Variants in TMEM63B observed in about 807,000 individuals in gnomAD.
The protein encoded by TMEM63B is transmembrane protein 63B.
A neutral mutation model predicts 102.6 loss-of-function variants in TMEM63B; 23 were observed. That is an observed-to-expected ratio of 0.22 (90% CI 0.16 to 0.32). The LOEUF (loss-of-function observed/expected upper bound fraction) is 0.32. TMEM63B is among the 10% of genes least tolerant of loss of function. TMEM63B has a pLI of 1.00. For synonymous variants in TMEM63B, 444 were observed against 437.0 expected (o/e 1.02, Z -0.20); for missense variants, 628 against 1,095.9 (o/e 0.57, Z 6.03).
At chr6:44,129,045 G>T (rs1467194148) in intron 1 of TMEM63B, among the ~76,000 whole-genome samples, 2 of 152,216 alleles carry the variant, frequency 1.3e-5, no homozygotes, top group East Asian at 3.8e-4. Context: ...TTCTTCAGCT[G>T]TGTGACCTTG....
Position 44,155,474 on chromosome 6 carries a change from C to A in TMEM63B, c.*591C>A, listed in dbSNP as rs1430430155. On this transcript the variant is annotated 3_prime_UTR_variant, in exon 24 of 24. Coordinates refer to ENST00000323267, the MANE Select transcript of TMEM63B (RefSeq NM_018426.3). ...CTGTTTTTTTTTTGGTTTTTTTGTT[C>A]TTTTTTGTTTTTTTCCTTTAAAATA... The A allele has an allele frequency of 6.6e-6, 1 of 150,394 alleles. No individual in the cohort carries two copies. The highest frequency in any genetic ancestry group is 2.5e-5 in the African/African-American group (1 of 40,706). 9.3% of individuals were successfully genotyped at this position (150,394 alleles called of 1,614,324 possible).
rs185576783 is a variant in TMEM63B, at chr6:44,134,369, C to G, written c.-24-192C>G. 24 of 579,010 alleles carry G rather than the reference C, an allele frequency of 4.1e-5. No individual in the cohort carries two copies. The Admixed American group carries it at 6.0e-4, about 15-fold the overall frequency. 35.9% of individuals were successfully genotyped at this position (579,010 alleles called of 1,614,324 possible). A position where few individuals can be genotyped will look rare whatever the true frequency, so the allele number is the denominator to read the frequency against. On this transcript the variant is annotated intron_variant, in intron 1 of 23. Transcript: ENST00000323267. Reference sequence around the variant, plus strand: ...CCCCAGACCCAGGGTGGGGTCATAGCCAGAGAGCCAGTGAAGGTAAATCCA... The same window carrying G: ...CCCCAGACCCAGGGTGGGGTCATAGGCAGAGAGCCAGTGAAGGTAAATCCA...
At chr6:44,138,566 C>T (rs369610884) in intron 6 of TMEM63B, 49 bp downstream of exon 6, 89 of 1,610,680 alleles carry the variant, frequency 5.5e-5, no homozygotes, top group Middle Eastern at 3.3e-4. Flanking sequence ...ACTTCAGAAC[C>T]TGGCATCTCC....
At chr6:44,139,446 G>A in intron 6 of TMEM63B, 21 bp from the exon 7 acceptor site, 1 of 1,613,670 alleles carries the variant, frequency 6.2e-7, no homozygotes, top group Non-Finnish European at 8.5e-7. Flanking sequence ...TAATTCCTTT[G>A]TCCAACCCGT....
At chr6:44,132,590 A>G (rs529196909) in intron 1 of TMEM63B, among the ~76,000 whole-genome samples, 2 of 151,868 alleles carry the variant, frequency 1.3e-5, no homozygotes, top group East Asian at 1.9e-4. Context: ...CCTACCTTTA[A>G]CCTCCCATAG....
intron 10 of TMEM63B, 78 bp downstream of exon 10, chr6:44,141,176 T>C (rs532214388): frequency 7.1e-7 from 1 of 1,399,544 alleles, no homozygotes; most frequent in Admixed American, 1.9e-5. Flanking sequence ...AGAACATCCT[T>C]ATACCCTAGC....
rs538121371 is a variant in TMEM63B, at chr6:44,154,298, G to A, written c.2227-67G>A. 113 of 1,603,274 alleles carry A rather than the reference G, an allele frequency of 7.0e-5. No homozygotes were observed. In the African/African-American group the frequency reaches 1.1e-3, roughly 15 times the overall value. Reference sequence around the variant, plus strand: ...GAGGGCAGCGCCAACAGGGCCAAGCGGGCGTGGGGTCATGATCAGGGCTGA... The same window carrying A: ...GAGGGCAGCGCCAACAGGGCCAAGCAGGCGTGGGGTCATGATCAGGGCTGA... On this transcript the variant is annotated intron_variant, in intron 22 of 23. Coordinates refer to ENST00000323267, the MANE Select transcript of TMEM63B (RefSeq NM_018426.3).
intron 12 of TMEM63B, among the ~76,000 whole-genome samples, chr6:44,147,764 C>G (rs889575959): frequency 6.6e-6 from 1 of 152,224 alleles, no homozygotes; most frequent in Non-Finnish European, 1.5e-5. Context: ...GCCTCAGTTT[C>G]CTCATGGGGT....
At chr6:44,127,152 T>TCGGGACC (rs1777194241), upstream of TMEM63B, 1 of 108,806 alleles carries the variant, frequency 9.2e-6, no homozygotes, top group Non-Finnish European at 2.2e-5. Flanking sequence ...GTAAGGGGCC[T>TCGGGACC]CCCCTCCCCG....
chr6:44,134,437 C>A (rs1280569940), intron 1 of TMEM63B, 124 bp from the exon 2 acceptor site: 46 of 985,354 alleles, frequency 4.7e-5, no homozygotes, highest in Non-Finnish European at 6.7e-5. Flanking sequence ...TCTCCAGAGG[C>A]CAGAGCTTCC....
chr6:44,141,574 G>C (rs920413779), intron 10 of TMEM63B, among the ~76,000 whole-genome samples: 1 of 152,068 alleles, frequency 6.6e-6, no homozygotes, highest in African/African-American at 2.4e-5. Context: ...CAGACCTATG[G>C]CCAGAAACTA....
chr6:44,144,420 T>C (rs1227929980), intron 10 of TMEM63B, among the ~76,000 whole-genome samples: 5 of 152,112 alleles, frequency 3.3e-5, no homozygotes, highest in Non-Finnish European at 7.4e-5. Flanking sequence ...AAACCTCAAA[T>C]GGTTTGAGGA....
intron 5 of TMEM63B, among the ~76,000 whole-genome samples, chr6:44,137,664 A>G (rs1763243651): frequency 6.6e-6 from 1 of 150,940 alleles, no homozygotes; most frequent in African/African-American, 2.4e-5. Context: ...CTCTGCCTTT[A>G]CATGCCTGGA....
rs1308691009 is a variant in TMEM63B, at chr6:44,142,456, G to A, written c.782+1358G>A. On this transcript the variant is annotated intron_variant, in intron 10 of 23. Coordinates refer to ENST00000323267, the MANE Select transcript of TMEM63B (RefSeq NM_018426.3). ...GAGGCAGAAGAATCGCTTGAACCCA[G>A]GAGGCAGAGGTTGCAGTGAGCCGAG... Among the ~76,000 whole-genome samples, 5 of 152,098 alleles carry A rather than the reference G, an allele frequency of 3.3e-5. No homozygotes were observed. In the East Asian group the frequency reaches 7.7e-4, roughly 24 times the overall value.
At chr6:44,147,249 C>T in intron 11 of TMEM63B, 128 bp from the exon 12 acceptor site, 1 of 1,472,726 alleles carries the variant, frequency 6.8e-7, no homozygotes, top group Non-Finnish European at 9.3e-7. Context: ...TGGGATGTGG[C>T]CACATCTGAA....
chr6:44,144,989 A>T (rs1765046357), intron 10 of TMEM63B, among the ~76,000 whole-genome samples: 2 of 152,072 alleles, frequency 1.3e-5, no homozygotes, highest in South Asian at 4.1e-4. Flanking sequence ...TTAAAAACGA[A>T]CTACTGGCCA....
intron 10 of TMEM63B, among the ~76,000 whole-genome samples, chr6:44,144,469 A>G (rs1764933927): frequency 6.6e-6 from 1 of 152,186 alleles, no homozygotes; most frequent in Admixed American, 6.5e-5. Context: ...CCTGGGAAGT[A>G]CATCTCAAGG....
At chr6:44,153,898 A>G in intron 21 of TMEM63B, 55 bp downstream of exon 21, 2 of 1,589,666 alleles carry the variant, frequency 1.3e-6, no homozygotes, top group South Asian at 1.2e-5. Flanking sequence ...GATTCCAGCC[A>G]GAGCAGGCCA....
chr6:44,153,615 A>G, intron 20 of TMEM63B, 61 bp from the exon 21 acceptor site: 1 of 1,567,836 alleles, frequency 6.4e-7, no homozygotes, highest in South Asian at 1.2e-5. Flanking sequence ...AACCTGTGAC[A>G]GACACACAAA....
Sources: gnomAD v4.1 joint callset for allele counts (sites outside exome capture counted in the v4.1 genomes callset) on GRCh38, gnomAD v4.1.1 for gene constraint, MANE v1.5 for transcripts, NCBI Gene and HGNC (gene_info 2026-07-23, HGNC 2026-07-21) for gene names.